Variants in GRIP1 observed in about 807,000 individuals in gnomAD.
GRIP1 encodes glutamate receptor interacting protein 1.
A neutral mutation model predicts 129.9 loss-of-function variants in GRIP1; 45 were observed. The ratio of observed to expected loss-of-function variants is 0.35; its 90% CI spans 0.27 to 0.44. The LOEUF (loss-of-function observed/expected upper bound fraction) is 0.44, where lower values mean the gene tolerates loss of function less well. GRIP1 is among the 20% of genes least tolerant of loss of function. The probability of loss-of-function intolerance (pLI) is 1.00; values close to 1 mark genes in which losing one functional copy is unlikely to be tolerated. For missense variants in GRIP1, 1,196 were observed against 1,396.8 expected (o/e 0.86, Z 2.29); for synonymous variants, 530 against 520.8 (o/e 1.02, Z -0.24).
intron 1 of GRIP1, among the ~76,000 whole-genome samples, chr12:66,722,835 A>C (rs900308936): frequency 2.6e-5 from 4 of 152,218 alleles, no homozygotes; most frequent in African/African-American, 9.6e-5. Context: ...AAGATAATAC[A>C]CTAAAATGGT....
At chr12:66,647,162 T>C (rs1303236569) in intron 1 of GRIP1, among the ~76,000 whole-genome samples, 1 of 152,180 alleles carries the variant, frequency 6.6e-6, no homozygotes, top group African/African-American at 2.4e-5. Flanking sequence ...CCTGTAATCC[T>C]CTAAACGTTC....
At chr12:66,728,917 CCTTT>C (rs1324700426) in intron 1 of GRIP1, among the ~76,000 whole-genome samples, 1 of 152,172 alleles carries the variant, frequency 6.6e-6, no homozygotes, top group Non-Finnish European at 1.5e-5. Flanking sequence ...TTCCTCCCTT[CCTTT>C]CTTTATTGGT....
chr12:67,043,718 AG>A (rs2043212838), intron 1 of GRIP1, among the ~76,000 whole-genome samples: 1 of 152,190 alleles, frequency 6.6e-6, no homozygotes, highest in East Asian at 1.9e-4. Context: ...TTAAGGCCAG[AG>A]AAAAACCCCA....
At chr12:66,622,636 T>C (rs1038256086) in intron 1 of GRIP1, among the ~76,000 whole-genome samples, 9 of 152,124 alleles carry the variant, frequency 5.9e-5, no homozygotes, top group Admixed American at 1.3e-4. Context: ...TTCCAATTGA[T>C]CTTAAGGTCC....
rs573998129 is a variant in GRIP1 at position 66,347,518 on chromosome 12, A to G, written c.*1501T>C. 6.6e-6 allele frequency: 1 copy of G among 152,340 alleles called. No individual in the cohort carries two copies. The highest frequency in any genetic ancestry group is 2.1e-4 in the South Asian group (1 of 4,828). 9.4% of individuals were successfully genotyped at this position (152,340 alleles called of 1,614,324 possible). On this transcript the variant is annotated 3_prime_UTR_variant, in exon 25 of 25. Coordinates refer to ENST00000359742, the MANE Select transcript of GRIP1 (RefSeq NM_001366722.1). ...TTATTTTTTTCCATACAAATATTTG[A>G]ACAATTTTGAATTCCCCAAAACCAT... is the stretch of plus-strand genomic sequence containing the variant.
At chr12:66,518,048 A>G (rs914337340) in intron 5 of GRIP1, 72 bp from the exon 6 acceptor site, 4 of 866,324 alleles carry the variant, frequency 4.6e-6, no homozygotes, top group East Asian at 2.4e-5. Context: ...CCTACAAGAT[A>G]TCAGCTGAGA....
At chr12:66,536,489 G>C (rs2904513) in intron 4 of GRIP1, among the ~76,000 whole-genome samples, 106,750 of 151,980 alleles carry the variant, frequency 0.7, 38,265 homozygotes, top group African/African-American at 0.86. Flanking sequence ...TATATTCCTG[G>C]CTTTTGGTCT....
intron 19 of GRIP1, among the ~76,000 whole-genome samples, chr12:66,386,031 C>T (rs2056342726): frequency 6.6e-6 from 1 of 152,128 alleles, no homozygotes; most frequent in Non-Finnish European, 1.5e-5. Context: ...AGATTCCTTT[C>T]ACTGATATTA....
chr12:66,935,512 G>A (rs1413153020), intron 1 of GRIP1, among the ~76,000 whole-genome samples: 1 of 152,126 alleles, frequency 6.6e-6, no homozygotes, highest in Non-Finnish European at 1.5e-5. Flanking sequence ...CTTGTGGGGA[G>A]AGGAAAAGGT....
intron 23 of GRIP1, among the ~76,000 whole-genome samples, chr12:66,371,301 G>C (rs1045246584): frequency 2.0e-5 from 3 of 152,056 alleles, no homozygotes; most frequent in South Asian, 2.1e-4. Context: ...TGGGATTACA[G>C]GTGTCTGCCA....
chr12:66,949,447 T>C lies in GRIP1; in HGVS notation c.58+119603A>G, dbSNP rs1184829118. On this transcript the variant is annotated intron_variant, in intron 1 of 1. Coordinates refer to the GRIP1 transcript ENST00000643019. Reference sequence around the variant, plus strand: ...GCTCCGATAGCCTGCATGATGTGAATACAAATCTGTGGCTAAGATGAGACT... The same window carrying C: ...GCTCCGATAGCCTGCATGATGTGAACACAAATCTGTGGCTAAGATGAGACT... 2.0e-5 allele frequency among the ~76,000 whole-genome samples: 3 copies of C among 152,298 alleles called. No homozygotes were observed. In the East Asian group the frequency reaches 5.8e-4, roughly 29 times the overall value.
chr12:66,754,374 C>T (rs1417603193), intron 1 of GRIP1, among the ~76,000 whole-genome samples: 1 of 152,158 alleles, frequency 6.6e-6, no homozygotes, highest in Non-Finnish European at 1.5e-5. Flanking sequence ...GCCCACTTCC[C>T]TCCAAAAGCT....
At chr12:66,725,969 G>C (rs1382276508) in intron 1 of GRIP1, among the ~76,000 whole-genome samples, 2 of 152,104 alleles carry the variant, frequency 1.3e-5, no homozygotes, top group East Asian at 3.8e-4. Context: ...AGATCACAAA[G>C]TGAATAAATA....
At chr12:66,760,649 C>G (rs1348336216) in intron 1 of GRIP1, among the ~76,000 whole-genome samples, 1 of 152,106 alleles carries the variant, frequency 6.6e-6, no homozygotes, top group Non-Finnish European at 1.5e-5. Flanking sequence ...CTGGGAGATA[C>G]AATTCAAGCT....
chr12:66,559,925 A>C (rs960002731), intron 2 of GRIP1, among the ~76,000 whole-genome samples: 9 of 152,168 alleles, frequency 5.9e-5, no homozygotes, highest in African/African-American at 2.2e-4. Context: ...AATATACTAC[A>C]GTTCTATAGT....
intron 1 of GRIP1, among the ~76,000 whole-genome samples, chr12:66,730,506 G>A (rs980148131): frequency 6.6e-6 from 1 of 151,942 alleles, no homozygotes; most frequent in East Asian, 1.9e-4. Flanking sequence ...AATCTCCTGA[G>A]TTTACAAGAA....
intron 1 of GRIP1, among the ~76,000 whole-genome samples, chr12:66,917,963 CA>C (rs2041153436): frequency 6.6e-6 from 1 of 151,928 alleles, no homozygotes; most frequent in Non-Finnish European, 1.5e-5. Flanking sequence ...CACACACACA[CA>C]CACACACACA....
chr12:66,371,671 G>A (rs760392230), intron 23 of GRIP1, 23 bp downstream of exon 23: 2 of 1,515,624 alleles, frequency 1.3e-6, no homozygotes, highest in African/African-American at 1.4e-5. Flanking sequence ...TGACCCTAGG[G>A]AAAGAAGAGA....
chr12:66,388,880 G>A (rs1592746140), intron 19 of GRIP1, among the ~76,000 whole-genome samples: 1 of 152,208 alleles, frequency 6.6e-6, no homozygotes, highest in Non-Finnish European at 1.5e-5. Context: ...GTCCAAGAGT[G>A]TATCCACATG....
Sources: gnomAD v4.1 joint callset for allele counts (sites outside exome capture counted in the v4.1 genomes callset) on GRCh38, gnomAD v4.1.1 for gene constraint, MANE v1.5 for transcripts, NCBI Gene and HGNC (gene_info 2026-07-23, HGNC 2026-07-21) for gene names.